ACOXL: variants seen among roughly 807,000 people sequenced by gnomAD.
ACOXL encodes the protein acyl-coenzyme A oxidase-like protein.
In ACOXL, 70 loss-of-function variants were observed where a neutral mutation model predicts 71.9. That is an observed-to-expected ratio of 0.97 (90% CI 0.80 to 1.19). The LOEUF is 1.19. ACOXL is among the 50% of genes most tolerant of loss of function. The pLI is 0.00. For synonymous variants in ACOXL, 253 were observed against 281.6 expected (o/e 0.90, Z 1.02); for missense variants, 703 against 736.3 (o/e 0.95, Z 0.52).
chr2:110,934,708 G>A (rs910289049), intron 12 of ACOXL, among the ~76,000 whole-genome samples: 2 of 152,162 alleles, frequency 1.3e-5, no homozygotes, highest in Non-Finnish European at 2.9e-5. Context: ...ACAGCCTGAG[G>A]GCCTCTCCCA....
intron 14 of ACOXL, among the ~76,000 whole-genome samples, chr2:111,013,683 C>T (rs1312383873): frequency 6.6e-6 from 1 of 152,020 alleles, no homozygotes; most frequent in Non-Finnish European, 1.5e-5. Context: ...GTAATGAACA[C>T]ATTCCCACAA....
At chr2:110,747,034 A>G (rs1678320353) in intron 1 of ACOXL, among the ~76,000 whole-genome samples, 1 of 152,150 alleles carries the variant, frequency 6.6e-6, no homozygotes, top group Non-Finnish European at 1.5e-5. Flanking sequence ...AAAGACATCT[A>G]AAGCCCCTAC....
At chr2:111,089,705 G>A (rs771584007) in intron 16 of ACOXL, among the ~76,000 whole-genome samples, 5 of 152,188 alleles carry the variant, frequency 3.3e-5, no homozygotes, top group African/African-American at 7.2e-5. Flanking sequence ...ATGTTCAAAT[G>A]CTTGATATAA....
At chr2:110,929,084 A>G (rs915050873) in intron 11 of ACOXL, among the ~76,000 whole-genome samples, 3 of 152,222 alleles carry the variant, frequency 2.0e-5, no homozygotes, top group East Asian at 3.8e-4. Context: ...AAACATATCC[A>G]GTGACTTTGA....
At position 110,818,013 on chromosome 2, in the gene ACOXL, A is replaced by G. The variant is rs1385291798; in HGVS notation, c.753+12618A>G. Among the ~76,000 whole-genome samples, 3 of 146,858 alleles carry G rather than the reference A, an allele frequency of 2.0e-5. No individual in the cohort carries two copies. The East Asian group carries it at 6.0e-4, about 29-fold the overall frequency. On this transcript the variant is annotated intron_variant, in intron 9 of 17. Coordinates refer to ENST00000439055, the MANE Select transcript of ACOXL (RefSeq NM_001142807.4). Reference sequence around the variant, plus strand: ...CAGCCAAATTATACCTTTTACTGCCATAAAATGCCTCCTTAATTTAGAGGA... The same window carrying G: ...CAGCCAAATTATACCTTTTACTGCCGTAAAATGCCTCCTTAATTTAGAGGA...
Position 110,841,408 on chromosome 2 carries a change from A to G in ACOXL, c.788+3A>G. On this transcript the variant is annotated splice_donor_region_variant and intron_variant, in intron 10 of 17. Coordinates refer to ENST00000439055, the MANE Select transcript of ACOXL (RefSeq NM_001142807.4). ...ATAGCCATTCGCTATAGCCACAGGTAAATGTTTACATTTTTGTTTCTTTTA... is the reference window on the plus strand; with the variant it reads ...ATAGCCATTCGCTATAGCCACAGGTGAATGTTTACATTTTTGTTTCTTTTA... 1 of 1,608,370 alleles carries G rather than the reference A, an allele frequency of 6.2e-7. No homozygotes were observed.
chr2:110,750,875 G>A (rs906189296), intron 1 of ACOXL, among the ~76,000 whole-genome samples: 1 of 151,842 alleles, frequency 6.6e-6, no homozygotes, highest in Non-Finnish European at 1.5e-5. Context: ...TGTAGAGATG[G>A]GGCTTCGCCA....
chr2:110,757,058 C>G (rs529775378), intron 1 of ACOXL, among the ~76,000 whole-genome samples: 1 of 152,084 alleles, frequency 6.6e-6, no homozygotes, highest in Non-Finnish European at 1.5e-5. Context: ...TCCTCCAACC[C>G]CCCCCAAGAC....
intron 2 of ACOXL, 62 bp from the exon 3 acceptor site, chr2:110,784,668 CTG>C (rs1389526852): frequency 7.1e-6 from 9 of 1,272,492 alleles, no homozygotes; most frequent in Non-Finnish European, 9.6e-6. Context: ...CTTATAAAAA[CTG>C]TGAATTTAAC....
chr2:110,903,709 G>A lies in ACOXL; in HGVS notation c.789-5080G>A, dbSNP rs557998306. Among the ~76,000 whole-genome samples, 22 of 152,250 alleles carry A rather than the reference G, an allele frequency of 1.4e-4. 1 individual carries two copies. The highest frequency in any genetic ancestry group is 9.8e-4 in the Admixed American group (15 of 15,286). ...GGAACAATAAAAATGTCTGGCAGGCGGTAATTGCTGGCCAGCTGCAGGGAT... is the reference window on the plus strand; with the variant it reads ...GGAACAATAAAAATGTCTGGCAGGCAGTAATTGCTGGCCAGCTGCAGGGAT... On this transcript the variant is annotated intron_variant, in intron 10 of 17. Coordinates refer to ENST00000439055, the MANE Select transcript of ACOXL (RefSeq NM_001142807.4).
chr2:111,076,341 T>G (rs1196710373), intron 16 of ACOXL, among the ~76,000 whole-genome samples: 1 of 152,226 alleles, frequency 6.6e-6, no homozygotes, highest in African/African-American at 2.4e-5. Context: ...TATCATTATG[T>G]AATTCCCTCT....
At chr2:110,912,608 A>G (rs2059686676) in intron 11 of ACOXL, among the ~76,000 whole-genome samples, 2 of 152,188 alleles carry the variant, frequency 1.3e-5, no homozygotes, top group South Asian at 4.1e-4. Context: ...TTAACTTAAA[A>G]TGGAGCATAA....
intron 10 of ACOXL, among the ~76,000 whole-genome samples, chr2:110,906,559 G>T (rs939938274): frequency 1.3e-4 from 12 of 90,826 alleles, no homozygotes; most frequent in East Asian, 3.4e-4. Flanking sequence ...AAAAAAAATT[G>T]TATTATTATC....
intron 14 of ACOXL, among the ~76,000 whole-genome samples, chr2:111,025,566 G>T (rs1574520297): frequency 6.6e-6 from 1 of 152,154 alleles, no homozygotes; most frequent in Non-Finnish European, 1.5e-5. Context: ...GCGTTTCTCA[G>T]ATCTTCTTCA....
intron 10 of ACOXL, among the ~76,000 whole-genome samples, chr2:110,905,384 A>G (rs1051134652): frequency 6.6e-6 from 1 of 152,106 alleles, no homozygotes; most frequent in African/African-American, 2.4e-5. Context: ...GCTTAGTGGG[A>G]GAAAAGGCTG....
intron 16 of ACOXL, among the ~76,000 whole-genome samples, chr2:111,075,777 C>G (rs1175091202): frequency 6.6e-6 from 1 of 151,998 alleles, no homozygotes. Context: ...TCATTGTTCT[C>G]CACTTCTAAT....
intron 10 of ACOXL, among the ~76,000 whole-genome samples, chr2:110,867,710 A>T (rs1047879465): frequency 6.6e-6 from 1 of 152,144 alleles, no homozygotes; most frequent in Non-Finnish European, 1.5e-5. Flanking sequence ...TAGGAGATCA[A>T]TATTAAATAC....
intron 3 of ACOXL, among the ~76,000 whole-genome samples, chr2:110,793,278 G>A (rs1001886085): frequency 2.2e-5 from 3 of 137,088 alleles, no homozygotes; most frequent in Non-Finnish European, 4.6e-5. Flanking sequence ...CTCCACAGAC[G>A]GGTCAGCATC....
At chr2:111,012,351 A>G (rs1001037627) in intron 14 of ACOXL, among the ~76,000 whole-genome samples, 1 of 152,212 alleles carries the variant, frequency 6.6e-6, no homozygotes, top group African/African-American at 2.4e-5. Context: ...TGTAACTTTT[A>G]TGTGCACTGG....
Sources: gnomAD v4.1 joint callset for allele counts (sites outside exome capture counted in the v4.1 genomes callset) on GRCh38, gnomAD v4.1.1 for gene constraint, MANE v1.5 for transcripts, NCBI Gene and HGNC (gene_info 2026-07-23, HGNC 2026-07-21) for gene names.